Variants in FOXO1 observed in about 807,000 individuals in gnomAD.
The protein encoded by FOXO1 is forkhead box O1.
A neutral mutation model predicts 44.1 loss-of-function variants in FOXO1; 6 were observed. That is an observed-to-expected ratio of 0.14 (90% CI 0.07 to 0.27). The LOEUF (loss-of-function observed/expected upper bound fraction) is 0.27, where lower values mean the gene tolerates loss of function less well. Among genes scored for constraint, FOXO1 ranks in the 10% least tolerant of loss-of-function variants. The pLI is 1.00. For missense variants in FOXO1, 737 were observed against 888.8 expected (o/e 0.83, Z 2.17); for synonymous variants, 380 against 362.7 (o/e 1.05, Z -0.54).
intron 1 of FOXO1, among the ~76,000 whole-genome samples, chr13:40,571,222 T>C (rs747912034): frequency 1.6e-5 from 2 of 122,172 alleles, no homozygotes; most frequent in East Asian, 2.3e-4. Context: ...GGGCCTGTCA[T>C]GGGGTGGGGG....
At chr13:40,566,660 TGAG>T (rs1874281493) in intron 1 of FOXO1, among the ~76,000 whole-genome samples, 1 of 152,230 alleles carries the variant, frequency 6.6e-6, no homozygotes, top group African/African-American at 2.4e-5. Flanking sequence ...ATTACAGGCG[TGAG>T]CCACTGCGCC....
intron 1 of FOXO1, among the ~76,000 whole-genome samples, chr13:40,586,341 C>A (rs1335564291): frequency 6.6e-6 from 1 of 152,170 alleles, no homozygotes; most frequent in Non-Finnish European, 1.5e-5. Flanking sequence ...AGGAAACATA[C>A]TACTTCCTAC....
chr13:40,584,273 T>C (rs1875065982), intron 1 of FOXO1, among the ~76,000 whole-genome samples: 1 of 151,816 alleles, frequency 6.6e-6, no homozygotes, highest in Non-Finnish European at 1.5e-5. Flanking sequence ...AGAGAGACCT[T>C]GCTCACCCAT....
chr13:40,637,865 C>T (rs1877212622), intron 1 of FOXO1, among the ~76,000 whole-genome samples: 1 of 152,168 alleles, frequency 6.6e-6, no homozygotes, highest in Admixed American at 6.5e-5. Context: ...CAACTACTCA[C>T]TTTATGGGAA....
chr13:40,579,774 C>T (rs1874890764), intron 1 of FOXO1, among the ~76,000 whole-genome samples: 1 of 152,154 alleles, frequency 6.6e-6, no homozygotes, highest in Non-Finnish European at 1.5e-5. Flanking sequence ...AGATGAGGAA[C>T]CTGTACACAA....
At chr13:40,627,787 C>T (rs1482020440) in intron 1 of FOXO1, among the ~76,000 whole-genome samples, 3 of 151,044 alleles carry the variant, frequency 2.0e-5, no homozygotes, top group South Asian at 2.1e-4. Context: ...GAGCCAAGAT[C>T]GCGCCATTGC....
chr13:40,665,238 C>A (rs1309873807), intron 1 of FOXO1, among the ~76,000 whole-genome samples: 1 of 152,064 alleles, frequency 6.6e-6, no homozygotes, highest in Non-Finnish European at 1.5e-5. Flanking sequence ...CCGAAGCAGT[C>A]GGCGCGGGCC....
intron 1 of FOXO1, among the ~76,000 whole-genome samples, chr13:40,572,703 C>T (rs746076820): frequency 3.9e-5 from 6 of 152,096 alleles, no homozygotes; most frequent in South Asian, 2.1e-4. Context: ...CTATTTGGGC[C>T]CAGGTTTATG....
chr13:40,623,973 G>A (rs576152029), intron 1 of FOXO1, among the ~76,000 whole-genome samples: 201 of 149,086 alleles, frequency 1.3e-3, no homozygotes, highest in African/African-American at 3.9e-3. Context: ...GCACGGTGGC[G>A]CACGCCTGTA....
intron 1 of FOXO1, among the ~76,000 whole-genome samples, chr13:40,572,346 CGCATAG>C (rs1294025876): frequency 1.2e-3 from 184 of 152,042 alleles, no homozygotes; most frequent in African/African-American, 4.3e-3. Flanking sequence ...TGTGTTTTTT[CGCATAG>C]TCTGTTTACT....
chr13:40,588,840 C>CA (rs1258847591), intron 1 of FOXO1, among the ~76,000 whole-genome samples: 2 of 152,160 alleles, frequency 1.3e-5, no homozygotes, highest in Non-Finnish European at 2.9e-5. Context: ...AGTGATGACT[C>CA]ACTCCTGTAA....
At chr13:40,572,681 A>G (rs1874582400) in intron 1 of FOXO1, among the ~76,000 whole-genome samples, 2 of 152,232 alleles carry the variant, frequency 1.3e-5, no homozygotes, top group Non-Finnish European at 2.9e-5. Flanking sequence ...GGTTGACCCA[A>G]TAATAGCAAA....
At chr13:40,585,105 A>C (rs1331641526) in intron 1 of FOXO1, among the ~76,000 whole-genome samples, 1 of 152,218 alleles carries the variant, frequency 6.6e-6, no homozygotes, top group Non-Finnish European at 1.5e-5. Context: ...TTAACACCAA[A>C]TAATAAAAGG....
At chr13:40,608,921 A>C (rs1876121650) in intron 1 of FOXO1, among the ~76,000 whole-genome samples, 1 of 152,174 alleles carries the variant, frequency 6.6e-6, no homozygotes, top group Non-Finnish European at 1.5e-5. Context: ...ATAGGTGGGA[A>C]GGGGGTACGT....
At chr13:40,620,031 A>T in intron 1 of FOXO1, 1 of 825,292 alleles carries the variant, frequency 1.2e-6, no homozygotes, top group East Asian at 2.5e-5. Flanking sequence ...GGGAAAGTAG[A>T]CCAGTACAGC....
chr13:40,649,648 C>T lies in FOXO1; in HGVS notation c.630+15935G>A, dbSNP rs531479957. Among the ~76,000 whole-genome samples, 86 of 152,198 alleles carry T rather than the reference C, an allele frequency of 5.7e-4. 1 individual carries two copies. The highest frequency in any genetic ancestry group is 1.6e-3 in the African/African-American group (68 of 41,536). On this transcript the variant is annotated intron_variant, in intron 1 of 2. Transcript: ENST00000379561. ...CATCGTTCAATGAGATCACAGAGCACAATAATTATTTTAATTTTTTTCTTA... is the reference window on the plus strand; with the variant it reads ...CATCGTTCAATGAGATCACAGAGCATAATAATTATTTTAATTTTTTTCTTA...
chr13:40,612,280 G>GCTTCCCCA (rs984486271), intron 1 of FOXO1, among the ~76,000 whole-genome samples: 6 of 152,022 alleles, frequency 3.9e-5, no homozygotes, highest in African/African-American at 1.4e-4. Context: ...CAAAATCCAG[G>GCTTCCCCA]CTTCCCCACC....
At chr13:40,601,937 TAG>T (rs1457078494) in intron 1 of FOXO1, among the ~76,000 whole-genome samples, 1 of 152,204 alleles carries the variant, frequency 6.6e-6, no homozygotes. Context: ...TAGAACTCTC[TAG>T]AGAGGTACTA....
intron 1 of FOXO1, among the ~76,000 whole-genome samples, chr13:40,585,146 T>TA (rs1226633966): frequency 6.6e-6 from 1 of 152,144 alleles, no homozygotes; most frequent in African/African-American, 2.4e-5. Flanking sequence ...AAAGGATGTC[T>TA]AAAAAACACA....
Sources: allele counts gnomAD v4.1 joint callset (sites outside exome capture counted in the v4.1 genomes callset), GRCh38; gene constraint gnomAD v4.1.1; transcripts MANE v1.5; gene names NCBI Gene and HGNC (gene_info 2026-07-23, HGNC 2026-07-21).